Variants in CARMIL1 observed in about 807,000 individuals in gnomAD.
CARMIL1 encodes F-actin-uncapping protein LRRC16A.
CARMIL1 carries 90 observed loss-of-function variants against 177.1 expected under a neutral mutation model. That is an observed-to-expected ratio of 0.51 (90% CI 0.43 to 0.61). The LOEUF (loss-of-function observed/expected upper bound fraction) is 0.61. Ranked by LOEUF, CARMIL1 falls within the 20% of genes least tolerant of loss-of-function variation. CARMIL1 has a pLI of 0.00. For missense variants in CARMIL1, 1,380 were observed against 1,667.0 expected, an observed-to-expected ratio of 0.83 and a Z score of 3.00; for synonymous variants, 577 against 606.2, an observed-to-expected ratio of 0.95 and a Z score of 0.71.
At chr6:25,598,390 C>A (rs1455599797) in intron 32 of CARMIL1, among the ~76,000 whole-genome samples, 1 of 151,966 alleles carries the variant, frequency 6.6e-6, no homozygotes, top group Admixed American at 6.6e-5. Flanking sequence ...AGGCATGGAC[C>A]ACCCCTCCCA....
At chr6:25,520,177 A>G in intron 22 of CARMIL1, 67 bp from the exon 23 acceptor site, 1 of 746,488 alleles carries the variant, frequency 1.3e-6, no homozygotes, top group Middle Eastern at 3.8e-4. Context: ...TTTTTAAAAG[A>G]AGAGTGCTGA....
At chr6:25,321,579 G>T (rs116766744) in intron 2 of CARMIL1, among the ~76,000 whole-genome samples, 1 of 152,046 alleles carries the variant, frequency 6.6e-6, no homozygotes, top group South Asian at 2.1e-4. Context: ...AAATGATAAC[G>T]CAGGAAATTT....
intron 2 of CARMIL1, among the ~76,000 whole-genome samples, chr6:25,417,260 G>A (rs1581868147): frequency 1.3e-5 from 2 of 152,092 alleles, no homozygotes; most frequent in Non-Finnish European, 2.9e-5. Flanking sequence ...CAAGCCAAGC[G>A]TATCTCTGGT....
chr6:25,615,975 G>C (rs528539219), intron 36 of CARMIL1, among the ~76,000 whole-genome samples: 1 of 152,300 alleles, frequency 6.6e-6, no homozygotes, highest in South Asian at 2.1e-4. Flanking sequence ...GAGCCTCTCT[G>C]TACCAATTAT....
chr6:25,619,719 C>T lies in CARMIL1; in HGVS notation c.*136C>T. The T allele has an allele frequency of 1.0e-5, 7 of 670,370 alleles. 1 individual carries two copies. Among genetic ancestry groups the T allele is most frequent in the Non-Finnish European group, 1.1e-5 (5 of 449,668 alleles). 41.5% of individuals were successfully genotyped at this position (670,370 alleles called of 1,614,324 possible). On this transcript the variant is annotated 3_prime_UTR_variant, in exon 37 of 37. Transcript: ENST00000329474. ...CTTCTTTTTCTTTATTTCGCCCCCACCCCCATCCCCTGCCTTTTTTTTTTT... is the reference window on the plus strand; with the variant it reads ...CTTCTTTTTCTTTATTTCGCCCCCATCCCCATCCCCTGCCTTTTTTTTTTT...
intron 2 of CARMIL1, among the ~76,000 whole-genome samples, chr6:25,311,034 T>C (rs574210554): frequency 1.3e-5 from 2 of 150,328 alleles, no homozygotes; most frequent in Non-Finnish European, 2.9e-5. Flanking sequence ...TACAAAAAAC[T>C]GGCCGGGTGT....
intron 2 of CARMIL1, among the ~76,000 whole-genome samples, chr6:25,319,350 A>C (rs1784511551): frequency 6.6e-6 from 1 of 151,970 alleles, no homozygotes; most frequent in African/African-American, 2.4e-5. Flanking sequence ...TAATATTAAT[A>C]TTTAATAATT....
intron 3 of CARMIL1, 89 bp from the exon 4 acceptor site, chr6:25,426,412 A>ATT (rs5875038): frequency 4.0e-4 from 307 of 762,380 alleles, no homozygotes; most frequent in South Asian, 8.0e-4. Flanking sequence ...TAGTTGTAGG[A>ATT]TTTTTTTTTT....
intron 2 of CARMIL1, among the ~76,000 whole-genome samples, chr6:25,318,235 G>A (rs569509477): frequency 6.6e-5 from 10 of 152,246 alleles, no homozygotes; most frequent in Non-Finnish European, 1.3e-4. Flanking sequence ...CATCCGTTTG[G>A]CAGCTGCCTT....
At chr6:25,484,586 A>G (rs563854714) in intron 12 of CARMIL1, among the ~76,000 whole-genome samples, 1 of 152,340 alleles carries the variant, frequency 6.6e-6, no homozygotes, top group African/African-American at 2.4e-5. Flanking sequence ...CAGCAAATCC[A>G]TTTTATATAA....
intron 26 of CARMIL1, among the ~76,000 whole-genome samples, chr6:25,546,141 C>CT (rs1554221341): frequency 1.5e-4 from 23 of 150,578 alleles, no homozygotes; most frequent in African/African-American, 4.4e-4. Context: ...TGTAGGTCTA[C>CT]TTTTTTTTTA....
rs977924888 is a variant in CARMIL1 at position 25,556,596 on chromosome 6, T to C, written c.2593-105T>C. The C allele has an allele frequency of 6.4e-5, 64 of 995,758 alleles. No homozygotes were observed. In the Admixed American group the frequency reaches 1.8e-3, roughly 28 times the overall value. The allele number at this position is 995,758 out of a possible 1,614,324, so 61.7% of individuals were successfully genotyped here. ...AGAATTGTCCTTGTCACTCGTCAGC[T>C]TTGTGCTCCACTGCGCCATCTTGTG... On this transcript the variant is annotated intron_variant, in intron 28 of 36. Transcript: ENST00000329474.
chr6:25,554,154 G>A lies in CARMIL1; in HGVS notation c.2592+58G>A. On this transcript the variant is annotated intron_variant, in intron 28 of 36. Transcript: ENST00000329474. The surrounding 1 kb of genome is among the most constrained non-coding windows in gnomAD (Gnocchi z 4.6). ...CTGTTTCAGCTCTGCTGTGATGCAGGATGACTTCCGGTGTGGGGATGTGAT... is the reference window on the plus strand; with the variant it reads ...CTGTTTCAGCTCTGCTGTGATGCAGAATGACTTCCGGTGTGGGGATGTGAT... The A allele has an allele frequency of 7.6e-6, 9 of 1,178,376 alleles. No homozygotes were observed. The highest frequency in any genetic ancestry group is 1.1e-5 in the Non-Finnish European group (9 of 805,742). The allele number at this position is 1,178,376 out of a possible 1,614,324, so 73.0% of individuals were successfully genotyped here.
In CARMIL1 at chr6:25,550,916, C is replaced by T; in HGVS notation, c.2335C>T (p.Leu779Phe). 1 of 1,613,008 alleles carries T rather than the reference C, an allele frequency of 6.2e-7. No homozygotes were observed. Among genetic ancestry groups the T allele is most frequent in the Non-Finnish European group, 8.5e-7 (1 of 1,179,344 alleles). ...CACTTGTGCTGCATTGCAGGCGTTGCTTGAGTCCATGGTTGATGCTGCTGA... is the reference window on the plus strand; with the variant it reads ...CACTTGTGCTGCATTGCAGGCGTTGTTTGAGTCCATGGTTGATGCTGCTGA... ...RVVDEQLKAL[L>F]ESMVDAAENL... The change falls in exon 27 of 37, where the codon CTT (leucine) becomes TTT (phenylalanine). Residue 779 changes from leucine to phenylalanine, a missense_variant. Transcript: ENST00000329474.
chr6:25,498,497 TAA>T (rs956704172), intron 16 of CARMIL1, among the ~76,000 whole-genome samples: 30 of 152,332 alleles, frequency 2.0e-4, no homozygotes, highest in African/African-American at 7.2e-4. Flanking sequence ...CTTCTATAGT[TAA>T]ATGCCTTAAA....
intron 16 of CARMIL1, 22 bp downstream of exon 16, chr6:25,495,237 T>G: frequency 1.4e-6 from 2 of 1,470,804 alleles, no homozygotes; most frequent in Non-Finnish European, 1.9e-6. Flanking sequence ...ATTCACTTTC[T>G]CCAGAGCTTT....
intron 32 of CARMIL1, among the ~76,000 whole-genome samples, chr6:25,598,754 C>T (rs1456773813): frequency 6.6e-6 from 1 of 152,140 alleles, no homozygotes; most frequent in Non-Finnish European, 1.5e-5. Flanking sequence ...AATGGGGGCA[C>T]CGAAGAGCTT....
chr6:25,586,543 C>T (rs1465425570), intron 31 of CARMIL1, among the ~76,000 whole-genome samples: 1 of 151,742 alleles, frequency 6.6e-6, no homozygotes, highest in Admixed American at 6.6e-5. Context: ...CCTCACTTCC[C>T]AGACGGGGTG....
intron 13 of CARMIL1, among the ~76,000 whole-genome samples, chr6:25,491,395 T>C (rs748823283): frequency 2.6e-5 from 4 of 152,220 alleles, no homozygotes; most frequent in Non-Finnish European, 5.9e-5. Flanking sequence ...GTTCAGGTGG[T>C]ATTTTAATCT....
Sources: allele counts gnomAD v4.1 joint callset (sites outside exome capture counted in the v4.1 genomes callset), GRCh38; gene constraint gnomAD v4.1.1; non-coding constraint Gnocchi (gnomAD v3.1); transcripts MANE v1.5; gene names NCBI Gene and HGNC (gene_info 2026-07-23, HGNC 2026-07-21).